SCAPER: variants seen among roughly 807,000 people sequenced by gnomAD.
SCAPER encodes the protein S phase cyclin A-associated protein in the endoplasmic reticulum.
In SCAPER, 98 loss-of-function variants were observed where a neutral mutation model predicts 182.2. That is an observed-to-expected ratio of 0.54 (90% CI 0.46 to 0.64). SCAPER has a LOEUF of 0.64. SCAPER is among the 30% of genes least tolerant of loss of function. SCAPER has a pLI of 0.00. For missense variants in SCAPER, 1,432 were observed against 1,690.0 expected (o/e 0.85, Z 2.68); for synonymous variants, 605 against 564.6 (o/e 1.07, Z -1.01).
intron 2 of SCAPER, among the ~76,000 whole-genome samples, chr15:76,875,655 G>A (rs1265454726): frequency 1.3e-5 from 2 of 152,298 alleles, no homozygotes; most frequent in East Asian, 1.9e-4. Context: ...GCCGCAGACC[G>A]TTGCCCTGAG....
Position 76,805,203 on chromosome 15 carries a change from G to A in SCAPER, c.394-570C>T, listed in dbSNP as rs1363285012. 2.0e-5 allele frequency among the ~76,000 whole-genome samples: 3 copies of A among 152,130 alleles called. No homozygotes were observed. In the East Asian group the frequency reaches 5.8e-4, roughly 29 times the overall value. Reference sequence around the variant, plus strand: ...GATAAATATTTGGGTTGTTTCTACTGTTTATTATGAATACTGCTGCTATAA... The same window carrying A: ...GATAAATATTTGGGTTGTTTCTACTATTTATTATGAATACTGCTGCTATAA... On this transcript the variant is annotated intron_variant, in intron 5 of 31. Transcript: ENST00000563290.
chr15:76,862,714 GT>G (rs1434150243), intron 2 of SCAPER, among the ~76,000 whole-genome samples, 181 bp from the exon 3 acceptor site: 1 of 152,110 alleles, frequency 6.6e-6, no homozygotes, highest in Non-Finnish European at 1.5e-5. Flanking sequence ...AAAACACTGA[GT>G]TTTGTAACTC....
rs778026132 is a variant in SCAPER, at chr15:76,795,273, C to A, written c.772+7G>T. Reference sequence around the variant, plus strand: ...CTACACAAAATGGCTAATTCGAAGTCACTTGCCATTTTTGCGTGAGGCCTT... The same window carrying A: ...CTACACAAAATGGCTAATTCGAAGTAACTTGCCATTTTTGCGTGAGGCCTT... On this transcript the variant is annotated splice_region_variant and intron_variant, in intron 8 of 31. Coordinates refer to ENST00000563290, the MANE Select transcript of SCAPER (RefSeq NM_020843.4). 16 of 1,602,960 alleles carry A rather than the reference C, an allele frequency of 1.0e-5. No homozygotes were observed. The Admixed American group carries it at 2.7e-4, about 27-fold the overall frequency.
At chr15:76,461,574 T>C (rs2049180711) in intron 25 of SCAPER, among the ~76,000 whole-genome samples, 1 of 152,110 alleles carries the variant, frequency 6.6e-6, no homozygotes, top group Non-Finnish European at 1.5e-5. Flanking sequence ...AGTTTTTAAA[T>C]TTCTGTTTGA....
intron 5 of SCAPER, among the ~76,000 whole-genome samples, chr15:76,831,241 C>T (rs189985395): frequency 2.8e-4 from 43 of 152,232 alleles, no homozygotes; most frequent in African/African-American, 8.7e-4. Flanking sequence ...GGCTGTCTTG[C>T]CTGCAGTACA....
intron 25 of SCAPER, among the ~76,000 whole-genome samples, chr15:76,455,694 G>A (rs574689973): frequency 1.3e-5 from 2 of 151,986 alleles, no homozygotes; most frequent in African/African-American, 4.8e-5. Context: ...TAAGTTCTGG[G>A]ATACATGTGC....
In SCAPER at chr15:76,600,354, T is replaced by C. The variant is rs147488441; in HGVS notation, c.2711+21410A>G. Reference sequence around the variant, plus strand: ...TAAACTTAAAATTAAGCAAAACTAATAGAAAAATAGCATACTTGGAAAGTG... The same window carrying C: ...TAAACTTAAAATTAAGCAAAACTAACAGAAAAATAGCATACTTGGAAAGTG... On this transcript the variant is annotated intron_variant, in intron 22 of 31. Coordinates refer to ENST00000563290, the MANE Select transcript of SCAPER (RefSeq NM_020843.4). Among the ~76,000 whole-genome samples, 76 of 115,188 alleles carry C rather than the reference T, an allele frequency of 6.6e-4. 10 individuals carry two copies. Among genetic ancestry groups the C allele is most frequent in the African/African-American group, 1.8e-3 (68 of 38,456 alleles). The allele number at this position is 115,188 out of a possible 152,430, so 75.6% of individuals were successfully genotyped here.
intron 28 of SCAPER, among the ~76,000 whole-genome samples, chr15:76,379,324 A>G (rs2141919418): frequency 6.6e-6 from 1 of 152,216 alleles, no homozygotes; most frequent in East Asian, 1.9e-4. Context: ...GAAAGAACTG[A>G]GAAGGAAATA....
intron 17 of SCAPER, among the ~76,000 whole-genome samples, chr15:76,711,093 T>C (rs1455053818): frequency 2.6e-5 from 4 of 152,152 alleles, no homozygotes; most frequent in Non-Finnish European, 5.9e-5. Context: ...AACTGAAACA[T>C]TTCTTGAAGT....
At chr15:76,444,305 C>T (rs2047838037) in intron 25 of SCAPER, among the ~76,000 whole-genome samples, 1 of 152,150 alleles carries the variant, frequency 6.6e-6, no homozygotes, top group African/African-American at 2.4e-5. Context: ...GTTAAATTCC[C>T]AGGACCCTTA....
At chr15:76,565,642 T>G (rs534344232) in intron 23 of SCAPER, among the ~76,000 whole-genome samples, 1 of 152,156 alleles carries the variant, frequency 6.6e-6, no homozygotes, top group African/African-American at 2.4e-5. Context: ...ACAACACTTT[T>G]TAATCACCCT....
chr15:76,590,727 T>TA (rs2049043467), intron 22 of SCAPER, among the ~76,000 whole-genome samples: 2 of 152,202 alleles, frequency 1.3e-5, no homozygotes, highest in African/African-American at 4.8e-5. Flanking sequence ...ATCAAAAAGA[T>TA]ACCTGCACTT....
intron 5 of SCAPER, among the ~76,000 whole-genome samples, chr15:76,836,061 T>A (rs1011187960): frequency 6.6e-6 from 1 of 151,992 alleles, no homozygotes; most frequent in African/African-American, 2.4e-5. Context: ...ACATATTCCA[T>A]GCTCATGGAT....
rs562976932 is a variant in SCAPER at position 76,351,417 on chromosome 15, C to T, written c.4048-129G>A. 38 of 676,836 alleles carry T rather than the reference C, an allele frequency of 5.6e-5. 3 individuals are homozygous for T. The South Asian group carries it at 1.1e-3, about 20-fold the overall frequency. 41.9% of individuals were successfully genotyped at this position (676,836 alleles called of 1,614,324 possible). ...GAATATTTTGGGGCCCAAATATAAA[C>T]GCTGAAGAAACTGATGTTACGTAGT... On this transcript the variant is annotated intron_variant, in intron 30 of 31. Transcript: ENST00000563290.
intron 23 of SCAPER, among the ~76,000 whole-genome samples, chr15:76,573,037 A>G (rs2047561316): frequency 6.6e-6 from 1 of 152,214 alleles, no homozygotes; most frequent in African/African-American, 2.4e-5. Flanking sequence ...ACAAACAGCT[A>G]TATTTATAAG....
chr15:76,772,641 G>T (rs894527012), intron 9 of SCAPER, among the ~76,000 whole-genome samples: 2 of 151,658 alleles, frequency 1.3e-5, no homozygotes, highest in Non-Finnish European at 3.0e-5. Context: ...TGTCCTTTAG[G>T]AATATTTAAT....
intron 22 of SCAPER, among the ~76,000 whole-genome samples, chr15:76,618,504 C>T (rs1196509028): frequency 6.6e-6 from 1 of 152,122 alleles, no homozygotes; most frequent in Admixed American, 6.5e-5. Flanking sequence ...ATATTTACAG[C>T]AAACTTACTG....
chr15:76,876,438 C>CAA (rs33959211), intron 2 of SCAPER, among the ~76,000 whole-genome samples: 14 of 122,722 alleles, frequency 1.1e-4, no homozygotes, highest in African/African-American at 4.5e-4. Flanking sequence ...AAAACAAAAG[C>CAA]AAAAAAAAAA....
intron 20 of SCAPER, among the ~76,000 whole-genome samples, chr15:76,669,775 C>T (rs907768771): frequency 2.6e-5 from 4 of 152,190 alleles, no homozygotes; most frequent in East Asian, 1.9e-4. Context: ...CATTCCCTCC[C>T]GCCATGCTGC....
Sources: gnomAD v4.1 joint callset for allele counts (sites outside exome capture counted in the v4.1 genomes callset) on GRCh38, gnomAD v4.1.1 for gene constraint, MANE v1.5 for transcripts, NCBI Gene and HGNC (gene_info 2026-07-23, HGNC 2026-07-21) for gene names.